ATRNL1: variants seen among roughly 807,000 people sequenced by gnomAD.
The protein encoded by ATRNL1 is attractin like 1.
ATRNL1 carries 95 observed loss-of-function variants against 182.7 expected under a neutral mutation model. The ratio of observed to expected loss-of-function variants is 0.52; its 90% CI spans 0.44 to 0.62. ATRNL1 has a LOEUF of 0.62. Ranked by LOEUF, ATRNL1 falls within the 20% of genes least tolerant of loss-of-function variation. The probability of loss-of-function intolerance (pLI) is 0.00; values close to 1 mark genes in which losing one functional copy is unlikely to be tolerated. For missense variants in ATRNL1, 1,471 were observed against 1,679.5 expected, an observed-to-expected ratio of 0.88 and a Z score of 2.17; for synonymous variants, 576 against 568.3, an observed-to-expected ratio of 1.01 and a Z score of -0.19.
At chr10:115,907,748 T>A (rs114471642) in intron 28 of ATRNL1, among the ~76,000 whole-genome samples, 457 of 152,064 alleles carry the variant, frequency 3.0e-3, no homozygotes, top group Middle Eastern at 6.8e-3. Flanking sequence ...AATTTTAAAA[T>A]ATTTTATAAT....
intron 8 of ATRNL1, among the ~76,000 whole-genome samples, chr10:115,179,597 G>C (rs2144149234): frequency 6.6e-6 from 1 of 152,128 alleles, no homozygotes. Context: ...CAGCACCCTG[G>C]CTGATATAGT....
chr10:115,532,841 G>A (rs1358939165), intron 25 of ATRNL1, among the ~76,000 whole-genome samples: 2 of 152,018 alleles, frequency 1.3e-5, no homozygotes, highest in Non-Finnish European at 2.9e-5. Flanking sequence ...ATGAAGGGTT[G>A]TTGAATCTTT....
At chr10:115,449,143 T>A (rs1847160403) in intron 21 of ATRNL1, among the ~76,000 whole-genome samples, 1 of 152,192 alleles carries the variant, frequency 6.6e-6, no homozygotes, top group Admixed American at 6.5e-5. Context: ...TCTGCTCGAA[T>A]GTTGCCTTTT....
intron 28 of ATRNL1, among the ~76,000 whole-genome samples, chr10:115,875,193 A>G: frequency 6.6e-6 from 1 of 152,304 alleles, no homozygotes; most frequent in South Asian, 2.1e-4. Context: ...CATTAAAGAG[A>G]TTTTTATGTT....
chr10:115,353,072 A>G (rs1592505755), intron 19 of ATRNL1, among the ~76,000 whole-genome samples: 2 of 152,190 alleles, frequency 1.3e-5, no homozygotes, highest in East Asian at 3.9e-4. Context: ...CTTATTGATC[A>G]TTAGGTCCAT....
intron 27 of ATRNL1, among the ~76,000 whole-genome samples, chr10:115,822,972 C>A (rs577588409): frequency 6.6e-6 from 1 of 152,128 alleles, no homozygotes; most frequent in Non-Finnish European, 1.5e-5. Context: ...GGCAGAGACA[C>A]AACAAGAAAA....
intron 28 of ATRNL1, among the ~76,000 whole-genome samples, chr10:115,879,743 A>G (rs1039536752): frequency 2.6e-5 from 4 of 152,220 alleles, no homozygotes; most frequent in Admixed American, 2.0e-4. Flanking sequence ...TTAAGGGAAT[A>G]CTAGAGATTC....
At chr10:115,191,944 A>G (rs1848185136) in intron 8 of ATRNL1, among the ~76,000 whole-genome samples, 1 of 151,938 alleles carries the variant, frequency 6.6e-6, no homozygotes, top group Non-Finnish European at 1.5e-5. Context: ...TAAAAATAAG[A>G]TCTTTTTTTC....
intron 9 of ATRNL1, among the ~76,000 whole-genome samples, chr10:115,239,220 G>T (rs1329014794): frequency 6.6e-6 from 1 of 151,888 alleles, no homozygotes; most frequent in African/African-American, 2.4e-5. Context: ...AGAGACTAGA[G>T]ATTATTTTAT....
In ATRNL1 at chr10:115,227,134, A is replaced by C. The variant is rs1057356194; in HGVS notation, c.1532+11254A>C. The stretch of plus-strand genomic sequence containing the variant: ...AAGAAACCATTAGCAGAGCAAACAG[A>C]CAGCCTACAAAATGGGAGAAGATAT... On this transcript the variant is annotated intron_variant, in intron 9 of 28. Coordinates refer to ENST00000355044, the MANE Select transcript of ATRNL1 (RefSeq NM_207303.4). Among the ~76,000 whole-genome samples, 35 of 152,142 alleles carry C rather than the reference A, an allele frequency of 2.3e-4. 1 individual carries two copies. The highest frequency in any genetic ancestry group is 1.3e-4 in the Admixed American group (2 of 15,260).
At chr10:115,937,577 C>T (rs11197478) in intron 28 of ATRNL1, among the ~76,000 whole-genome samples, 3,846 of 152,226 alleles carry the variant, frequency 0.025, 73 homozygotes, top group Non-Finnish European at 0.039. Flanking sequence ...CGAGGGTGGC[C>T]ACACCGAATG....
chr10:115,478,326 G>C (rs1483818268), intron 24 of ATRNL1, among the ~76,000 whole-genome samples: 2 of 151,674 alleles, frequency 1.3e-5, no homozygotes, highest in Non-Finnish European at 3.0e-5. Context: ...TCTCATCTGA[G>C]GCAGAAGGAC....
intron 26 of ATRNL1, among the ~76,000 whole-genome samples, chr10:115,691,844 T>G (rs993636411): frequency 2.0e-5 from 3 of 152,228 alleles, no homozygotes; most frequent in Admixed American, 6.5e-5. Flanking sequence ...TTGTCGATTT[T>G]GTTTATATTT....
intron 24 of ATRNL1, among the ~76,000 whole-genome samples, chr10:115,488,191 C>T (rs181781799): frequency 1.6e-3 from 238 of 151,890 alleles, no homozygotes; most frequent in African/African-American, 5.5e-3. Context: ...TTTCCTTTTG[C>T]TGTGTCTCTA....
chr10:115,738,126 A>ATTTTTT lies in ATRNL1; in HGVS notation c.3903+10796_3903+10801dup, dbSNP rs10546896. The stretch of plus-strand genomic sequence containing the variant: ...ATAAAAAATGATTTAGAAGATAATG[A>ATTTTTT]TTTTTTTTTTTTTTTTTTTTTTTTT... On this transcript the variant is annotated intron_variant, in intron 27 of 28. Transcript: ENST00000355044. 1.9e-3 allele frequency among the ~76,000 whole-genome samples: 89 copies of ATTTTTT among 47,104 alleles called. 14 individuals are homozygous for ATTTTTT. The highest frequency in any genetic ancestry group is 5.5e-3 in the African/African-American group (83 of 15,222). 30.9% of individuals were successfully genotyped at this position (47,104 alleles called of 152,430 possible). A position where few individuals can be genotyped will look rare whatever the true frequency, so the allele number is the denominator to read the frequency against.
intron 19 of ATRNL1, among the ~76,000 whole-genome samples, chr10:115,363,317 T>C (rs1430325005): frequency 2.0e-5 from 3 of 151,868 alleles, no homozygotes; most frequent in Non-Finnish European, 4.4e-5. Flanking sequence ...AAATGTCTTC[T>C]TTTGAGAAGT....
chr10:115,213,293 T>C (rs1458961114), intron 8 of ATRNL1, among the ~76,000 whole-genome samples: 2 of 152,122 alleles, frequency 1.3e-5, no homozygotes, highest in African/African-American at 4.8e-5. Flanking sequence ...GTGAGATCTC[T>C]CTTTGCAGTC....
chr10:115,927,306 G>T (rs1555120564), intron 28 of ATRNL1, among the ~76,000 whole-genome samples: 1 of 152,074 alleles, frequency 6.6e-6, no homozygotes, highest in Non-Finnish European at 1.5e-5. Context: ...ATATCATATT[G>T]AATGGGCAAA....
intron 18 of ATRNL1, among the ~76,000 whole-genome samples, chr10:115,317,486 G>A (rs62448176): frequency 2.0e-5 from 3 of 152,130 alleles, no homozygotes; most frequent in Non-Finnish European, 4.4e-5. Context: ...TTTGGGCAGT[G>A]TGGCCATTTT....
Sources: allele counts gnomAD v4.1 joint callset (sites outside exome capture counted in the v4.1 genomes callset), GRCh38; gene constraint gnomAD v4.1.1; transcripts MANE v1.5; gene names NCBI Gene and HGNC (gene_info 2026-07-23, HGNC 2026-07-21).